OTUD7A: variants seen among roughly 807,000 people sequenced by gnomAD.
OTUD7A encodes OTU domain-containing protein 7A.
A neutral mutation model predicts 65.7 loss-of-function variants in OTUD7A; 12 were observed. That is an observed-to-expected ratio of 0.18 (90% CI 0.12 to 0.30). The LOEUF is 0.30. Ranked by LOEUF, OTUD7A falls within the 10% of genes least tolerant of loss-of-function variation. The probability of loss-of-function intolerance (pLI) is 1.00; values close to 1 mark genes in which losing one functional copy is unlikely to be tolerated. For missense variants in OTUD7A, 1,148 were observed against 1,304.8 expected, an observed-to-expected ratio of 0.88 and a Z score of 1.85; for synonymous variants, 641 against 586.3, an observed-to-expected ratio of 1.09 and a Z score of -1.35.
chr15:31,554,672 C>T (rs1476072161), intron 5 of OTUD7A, among the ~76,000 whole-genome samples: 2 of 152,148 alleles, frequency 1.3e-5, no homozygotes, highest in African/African-American at 2.4e-5. Context: ...CCCTCTGCCC[C>T]CAGACACACT....
intron 1 of OTUD7A, among the ~76,000 whole-genome samples, chr15:31,800,442 C>T (rs1896089950): frequency 6.6e-6 from 1 of 152,176 alleles, no homozygotes; most frequent in Admixed American, 6.5e-5. Context: ...CAATCGAGGA[C>T]ACTGAGCTTC....
intron 1 of OTUD7A, among the ~76,000 whole-genome samples, chr15:31,807,541 G>A (rs1053323539): frequency 1.3e-5 from 2 of 152,128 alleles, no homozygotes; most frequent in African/African-American, 4.8e-5. Context: ...TGGGGAGCTG[G>A]CAGTTAAGAT....
intron 1 of OTUD7A, among the ~76,000 whole-genome samples, chr15:31,716,806 G>A (rs1893599139): frequency 6.6e-6 from 1 of 152,036 alleles, no homozygotes; most frequent in Admixed American, 6.6e-5. Flanking sequence ...AGGCTGCATG[G>A]GGAAGTCCCT....
intron 9 of OTUD7A, among the ~76,000 whole-genome samples, chr15:31,503,378 G>C (rs1404465822): frequency 1.3e-5 from 2 of 152,216 alleles, no homozygotes; most frequent in African/African-American, 2.4e-5. Flanking sequence ...CATGGCCCAG[G>C]GCTGTTGGAG....
intron 1 of OTUD7A, among the ~76,000 whole-genome samples, chr15:31,832,903 T>C (rs768633613): frequency 1.4e-4 from 21 of 152,236 alleles, no homozygotes; most frequent in Non-Finnish European, 2.8e-4. Flanking sequence ...TAAACACGGA[T>C]GTACAGATTT....
intron 8 of OTUD7A, among the ~76,000 whole-genome samples, chr15:31,512,516 A>T (rs780655359): frequency 3.9e-5 from 6 of 152,082 alleles, no homozygotes; most frequent in Non-Finnish European, 8.8e-5. Context: ...TTGTTATGAG[A>T]GTATATTGAA....
At chr15:31,800,504 C>T (rs1227333884) in intron 1 of OTUD7A, among the ~76,000 whole-genome samples, 1 of 152,154 alleles carries the variant, frequency 6.6e-6, no homozygotes, top group Non-Finnish European at 1.5e-5. Flanking sequence ...GCTGTGGGGC[C>T]ATCAGGATGC....
At chr15:31,750,120 A>G (rs540941921) in intron 1 of OTUD7A, among the ~76,000 whole-genome samples, 1 of 152,306 alleles carries the variant, frequency 6.6e-6, no homozygotes, top group South Asian at 2.1e-4. Flanking sequence ...TATTGTTAAA[A>G]TGTTCGACCG....
intron 1 of OTUD7A, among the ~76,000 whole-genome samples, chr15:31,737,854 A>C: frequency 6.6e-6 from 1 of 152,192 alleles, no homozygotes; most frequent in East Asian, 1.9e-4. Context: ...TGAGGAAGGG[A>C]AGCTTCAGAA....
intron 7 of OTUD7A, among the ~76,000 whole-genome samples, 174 bp downstream of exon 7, chr15:31,527,007 C>G (rs1168972777): frequency 6.6e-6 from 1 of 152,214 alleles, no homozygotes; most frequent in African/African-American, 2.4e-5. Flanking sequence ...GCTATTTTAA[C>G]AGGCTCCTCC....
At chr15:31,744,119 G>A (rs1028530766) in intron 1 of OTUD7A, among the ~76,000 whole-genome samples, 27 of 152,082 alleles carry the variant, frequency 1.8e-4, no homozygotes, top group African/African-American at 6.3e-4. Flanking sequence ...TAAGAAAATC[G>A]TATTTATTAT....
intron 1 of OTUD7A, among the ~76,000 whole-genome samples, chr15:31,802,089 A>G (rs890097577): frequency 4.1e-5 from 5 of 121,914 alleles, no homozygotes; most frequent in Non-Finnish European, 8.4e-5. Flanking sequence ...TGGAATATAT[A>G]TGTGTGTGTA....
chr15:31,862,072 A>G (rs986421136), intron 1 of OTUD7A, among the ~76,000 whole-genome samples: 4 of 152,156 alleles, frequency 2.6e-5, no homozygotes. Context: ...GGAAAATGCC[A>G]AGACCACCCT....
At chr15:31,753,739 A>T (rs1367643893) in intron 1 of OTUD7A, among the ~76,000 whole-genome samples, 1 of 122,928 alleles carries the variant, frequency 8.1e-6, no homozygotes, top group Non-Finnish European at 1.7e-5. Context: ...ATATATATAT[A>T]TCTCACAGTT....
At chr15:31,862,552 A>G (rs1203064712) in intron 1 of OTUD7A, among the ~76,000 whole-genome samples, 1 of 152,196 alleles carries the variant, frequency 6.6e-6, no homozygotes, top group Non-Finnish European at 1.5e-5. Flanking sequence ...CAAGAGAAAA[A>G]TAAGGAAGAA....
At chr15:31,567,732 C>A (rs973545501) in intron 4 of OTUD7A, among the ~76,000 whole-genome samples, 2 of 152,216 alleles carry the variant, frequency 1.3e-5, no homozygotes, top group Non-Finnish European at 2.9e-5. Context: ...TGGGCCAGGC[C>A]CAGGGCCCCG....
At position 31,646,258 on chromosome 15, in the gene OTUD7A, T is replaced by C. The variant is rs541631821; in HGVS notation, c.151+8838A>G. On this transcript the variant is annotated intron_variant, in intron 3 of 12. Coordinates refer to ENST00000307050, the MANE Select transcript of OTUD7A (RefSeq NM_001382637.1). ...TGGACCTCAGGGAGCCCTGGAGTGGTGGGCACATAAGTGAAGCAAAGTGAA... is the reference window on the plus strand; with the variant it reads ...TGGACCTCAGGGAGCCCTGGAGTGGCGGGCACATAAGTGAAGCAAAGTGAA... 1.8e-4 allele frequency among the ~76,000 whole-genome samples: 28 copies of C among 151,876 alleles called. No individual in the cohort carries two copies. The East Asian group carries it at 3.3e-3, about 18-fold the overall frequency.
chr15:31,784,725 C>A (rs1026908080), intron 1 of OTUD7A, among the ~76,000 whole-genome samples: 2 of 152,116 alleles, frequency 1.3e-5, no homozygotes, highest in Non-Finnish European at 2.9e-5. Flanking sequence ...GGAAGTTAAA[C>A]CCAAAGAGAA....
At chr15:31,489,267 A>G (rs1280499342) in intron 10 of OTUD7A, among the ~76,000 whole-genome samples, 2 of 152,328 alleles carry the variant, frequency 1.3e-5, no homozygotes, top group African/African-American at 2.4e-5. Context: ...GGGCCAAACC[A>G]AAGTGTCCAG....
Sources: allele counts gnomAD v4.1 joint callset (sites outside exome capture counted in the v4.1 genomes callset), GRCh38; gene constraint gnomAD v4.1.1; transcripts MANE v1.5; gene names NCBI Gene and HGNC (gene_info 2026-07-23, HGNC 2026-07-21).